ZNF536: variants seen among roughly 807,000 people sequenced by gnomAD.
The protein encoded by ZNF536 is zinc finger protein 536.
A neutral mutation model predicts 84.5 loss-of-function variants in ZNF536; 13 were observed. The ratio of observed to expected loss-of-function variants is 0.15; its 90% CI spans 0.10 to 0.24. The LOEUF is 0.24. ZNF536 is among the 10% of genes least tolerant of loss of function. ZNF536 has a pLI of 1.00. For synonymous variants in ZNF536, 811 were observed against 742.5 expected, an observed-to-expected ratio of 1.09 and a Z score of -1.50; for missense variants, 1,536 against 1,747.5, an observed-to-expected ratio of 0.88 and a Z score of 2.16.
intron 1 of ZNF536, among the ~76,000 whole-genome samples, chr19:30,282,788 A>G (rs1164073325): frequency 1.3e-5 from 2 of 152,206 alleles, no homozygotes; most frequent in Non-Finnish European, 2.9e-5. Context: ...AACAAAAAAA[A>G]ATGCAAAAGA....
chr19:30,679,711 G>C (rs1222231982), intron 1 of ZNF536, among the ~76,000 whole-genome samples: 1 of 152,172 alleles, frequency 6.6e-6, no homozygotes, highest in Non-Finnish European at 1.5e-5. Flanking sequence ...AGACTTGCTT[G>C]GCTGGGTCCC....
chr19:30,276,102 G>A (rs2026114440), intron 1 of ZNF536, among the ~76,000 whole-genome samples: 1 of 152,068 alleles, frequency 6.6e-6, no homozygotes, highest in Non-Finnish European at 1.5e-5. Flanking sequence ...AGGGCCACCG[G>A]GGGAGTGCAG....
intron 1 of ZNF536, among the ~76,000 whole-genome samples, chr19:30,381,509 C>T (rs2049021281): frequency 6.6e-6 from 1 of 152,192 alleles, no homozygotes; most frequent in Non-Finnish European, 1.5e-5. Context: ...TGGAGCCAGG[C>T]TTCCAGACAG....
At chr19:30,677,476 A>G (rs1425703730) in intron 1 of ZNF536, among the ~76,000 whole-genome samples, 1 of 152,202 alleles carries the variant, frequency 6.6e-6, no homozygotes, top group Non-Finnish European at 1.5e-5. Flanking sequence ...GGCTGTGGCC[A>G]AGGCACTTTC....
intron 2 of ZNF536, among the ~76,000 whole-genome samples, chr19:30,495,490 T>G (rs2054681188): frequency 6.6e-6 from 1 of 152,226 alleles, no homozygotes; most frequent in Non-Finnish European, 1.5e-5. Flanking sequence ...AGTCAGCCTC[T>G]GAACAAGCAG....
intron 3 of ZNF536, among the ~76,000 whole-genome samples, chr19:30,544,670 G>C (rs564505330): frequency 6.6e-6 from 1 of 152,288 alleles, no homozygotes; most frequent in Admixed American, 6.5e-5. Context: ...GAGGTTTCAG[G>C]TGTTTATTCA....
chr19:30,376,477 C>A (rs1250405011), intron 1 of ZNF536, among the ~76,000 whole-genome samples: 1 of 152,236 alleles, frequency 6.6e-6, no homozygotes, highest in East Asian at 1.9e-4. Context: ...CTCACAGACC[C>A]AGGGTGGTGC....
chr19:30,287,895 G>C (rs1600086223), intron 2 of ZNF536, among the ~76,000 whole-genome samples: 1 of 152,132 alleles, frequency 6.6e-6, no homozygotes, highest in Non-Finnish European at 1.5e-5. Flanking sequence ...TTAGAATATT[G>C]GGCTCATTGA....
chr19:30,345,820 A>G (rs898651440), intron 2 of ZNF536, among the ~76,000 whole-genome samples: 2 of 152,170 alleles, frequency 1.3e-5, no homozygotes, highest in Non-Finnish European at 2.9e-5. Context: ...AGGTCGGCCT[A>G]CCTGAAAGGG....
At chr19:30,575,095 G>A (rs757927206) in intron 1 of ZNF536, among the ~76,000 whole-genome samples, 7 of 152,180 alleles carry the variant, frequency 4.6e-5, no homozygotes, top group African/African-American at 1.4e-4. Flanking sequence ...AGGAAACATG[G>A]TCAGGAGGTA....
chr19:30,289,304 G>A (rs1267101592), intron 2 of ZNF536, among the ~76,000 whole-genome samples: 1 of 152,154 alleles, frequency 6.6e-6, no homozygotes, highest in Non-Finnish European at 1.5e-5. Context: ...GGTTTATTAT[G>A]TATGCAAGTA....
intron 1 of ZNF536, among the ~76,000 whole-genome samples, chr19:30,426,716 G>T (rs1415534732): frequency 6.6e-6 from 1 of 152,184 alleles, no homozygotes; most frequent in Non-Finnish European, 1.5e-5. Context: ...CCCAGGGTTG[G>T]TTCCTATACA....
intron 3 of ZNF536, among the ~76,000 whole-genome samples, chr19:30,537,995 A>G (rs560644029): frequency 6.6e-6 from 1 of 152,338 alleles, no homozygotes; most frequent in South Asian, 2.1e-4. Context: ...AATAGAACAG[A>G]AAGTGTTACA....
chr19:30,282,189 A>C (rs2045471103), intron 1 of ZNF536, among the ~76,000 whole-genome samples: 1 of 152,216 alleles, frequency 6.6e-6, no homozygotes, highest in Admixed American at 6.5e-5. Context: ...AGATGGAACT[A>C]ACTTGATTTC....
intron 2 of ZNF536, among the ~76,000 whole-genome samples, chr19:30,302,375 T>A (rs994401809): frequency 6.6e-6 from 1 of 152,178 alleles, no homozygotes; most frequent in Non-Finnish European, 1.5e-5. Context: ...CTCACAGCCA[T>A]GGTTCTGCGT....
At chr19:30,419,073 T>C (rs2050849174) in intron 1 of ZNF536, among the ~76,000 whole-genome samples, 2 of 152,370 alleles carry the variant, frequency 1.3e-5, no homozygotes, top group South Asian at 4.1e-4. Flanking sequence ...AACATTTTGT[T>C]ATTTTTTCTT....
At chr19:30,594,900 T>G (rs897755185) in intron 1 of ZNF536, among the ~76,000 whole-genome samples, 1 of 152,124 alleles carries the variant, frequency 6.6e-6, no homozygotes, top group Non-Finnish European at 1.5e-5. Context: ...TGGAAACCTC[T>G]GTCCCCCAGC....
At chr19:30,383,699 T>C (rs1373087600) in intron 1 of ZNF536, among the ~76,000 whole-genome samples, 4 of 9,472 alleles carry the variant, frequency 4.2e-4, no homozygotes, top group African/African-American at 9.1e-4. Context: ...TTTCTTTTCT[T>C]TCTCTTTCTT....
intron 1 of ZNF536, among the ~76,000 whole-genome samples, chr19:30,389,564 G>A (rs562654127): frequency 2.5e-4 from 38 of 152,242 alleles, no homozygotes; most frequent in African/African-American, 9.1e-4. Flanking sequence ...GCTGTATTAT[G>A]GTGACACTCA....
Sources: allele counts gnomAD v4.1 joint callset (sites outside exome capture counted in the v4.1 genomes callset), GRCh38; gene constraint gnomAD v4.1.1; transcripts MANE v1.5; gene names NCBI Gene and HGNC (gene_info 2026-07-23, HGNC 2026-07-21).